Variants in GATAD2B observed in about 807,000 individuals in gnomAD.
GATAD2B encodes the protein transcriptional repressor p66-beta.
In GATAD2B, 8 loss-of-function variants were observed where a neutral mutation model predicts 64.3. That is an observed-to-expected ratio of 0.12 (90% CI 0.07 to 0.22). The LOEUF (loss-of-function observed/expected upper bound fraction) is 0.22. GATAD2B is among the 10% of genes least tolerant of loss of function. The probability of loss-of-function intolerance (pLI) is 1.00; values close to 1 mark genes in which losing one functional copy is unlikely to be tolerated. For missense variants in GATAD2B, 453 were observed against 752.0 expected (o/e 0.60, Z 4.65); for synonymous variants, 281 against 271.3 (o/e 1.04, Z -0.35).
At chr1:153,830,304 C>A (rs1034967462) in intron 1 of GATAD2B, among the ~76,000 whole-genome samples, 1 of 151,538 alleles carries the variant, frequency 6.6e-6, no homozygotes, top group Non-Finnish European at 1.5e-5. Context: ...TGTGCCACCA[C>A]GTCCAGCTAA....
chr1:153,841,180 C>CATG (rs1372708506), intron 1 of GATAD2B, among the ~76,000 whole-genome samples: 1 of 151,616 alleles, frequency 6.6e-6, no homozygotes, highest in Non-Finnish European at 1.5e-5. Context: ...AAGAAGATCT[C>CATG]ATGTACCCTT....
chr1:153,839,803 C>G (rs2101900346), intron 1 of GATAD2B, among the ~76,000 whole-genome samples: 1 of 152,036 alleles, frequency 6.6e-6, no homozygotes, highest in East Asian at 2.0e-4. Context: ...GACCCCATCT[C>G]TACTAAAAAC....
chr1:153,834,478 T>A (rs1675199355), intron 1 of GATAD2B, among the ~76,000 whole-genome samples: 1 of 152,098 alleles, frequency 6.6e-6, no homozygotes, highest in Admixed American at 6.6e-5. Context: ...CACCTCCACC[T>A]TCCAGGTTCA....
At chr1:153,876,645 T>G (rs1055943107) in intron 1 of GATAD2B, among the ~76,000 whole-genome samples, 13 of 152,186 alleles carry the variant, frequency 8.5e-5, no homozygotes, top group Non-Finnish European at 1.2e-4. Flanking sequence ...TACTGTCACC[T>G]TACAAATCAG....
chr1:153,912,432 C>T lies in GATAD2B; in HGVS notation c.-2+10301G>A, dbSNP rs527494087. Among the ~76,000 whole-genome samples, 4 of 152,304 alleles carry T rather than the reference C, an allele frequency of 2.6e-5. No homozygotes were observed. The South Asian group carries it at 6.2e-4, about 24-fold the overall frequency. ...TGAATTATAAAATAAGAGAATGACACAGTAACACATAAATTTATGCATGGA... is the reference window on the plus strand; with the variant it reads ...TGAATTATAAAATAAGAGAATGACATAGTAACACATAAATTTATGCATGGA... On this transcript the variant is annotated intron_variant, in intron 1 of 10. Transcript: ENST00000368655.
Position 153,875,219 on chromosome 1 carries a change from C to T in GATAD2B, c.-1-46871G>A, listed in dbSNP as rs187877256. ...TTTCTCTTCTGATTTCTAGAACTTG[C>T]TTCATAGGTCACTTTTCTAGGAAAA... On this transcript the variant is annotated intron_variant, in intron 1 of 10. Transcript: ENST00000368655. 1.6e-3 allele frequency among the ~76,000 whole-genome samples: 236 copies of T among 152,180 alleles called. 2 individuals carry two copies. Among genetic ancestry groups the T allele is most frequent in the African/African-American group, 5.5e-3 (227 of 41,534 alleles).
At position 153,809,154 on chromosome 1, in the gene GATAD2B, C is replaced by G. The variant is rs1414135977; in HGVS notation, c.*1023G>C. Reference sequence around the variant, plus strand: ...GGACACCCAGCAAACAGCCTTGGAACAGCCGTTCCTCTGTATTATAGATGG... The same window carrying G: ...GGACACCCAGCAAACAGCCTTGGAAGAGCCGTTCCTCTGTATTATAGATGG... On this transcript the variant is annotated 3_prime_UTR_variant, in exon 11 of 11. Transcript: ENST00000368655. 1 of 152,220 alleles carries G rather than the reference C, an allele frequency of 6.6e-6. No homozygotes were observed. Among genetic ancestry groups the G allele is most frequent in the Non-Finnish European group, 1.5e-5 (1 of 68,042 alleles). The allele number at this position is 152,220 out of a possible 1,614,324, so 9.4% of individuals were successfully genotyped here.
rs1327929891 is a variant in GATAD2B, at chr1:153,805,120, ATCACCC to A, written c.*5051_*5056del. Reference sequence around the variant, plus strand: ...TTTCACCTTCACCAGGGCTTCACCCATCACCCTGTACCCTCTCCAGGCTTTATCAGC... The same window carrying A: ...TTTCACCTTCACCAGGGCTTCACCCATGTACCCTCTCCAGGCTTTATCAGC... On this transcript the variant is annotated 3_prime_UTR_variant, in exon 11 of 11. Transcript: ENST00000368655. 8.3e-6 allele frequency: 1 copy of A among 119,856 alleles called. No homozygotes were observed. Among genetic ancestry groups the A allele is most frequent in the East Asian group, 2.5e-4 (1 of 3,952 alleles). The allele number at this position is 119,856 out of a possible 1,614,324, so 7.4% of individuals were successfully genotyped here.
chr1:153,833,745 G>T (rs1675158973), intron 1 of GATAD2B, among the ~76,000 whole-genome samples: 1 of 146,280 alleles, frequency 6.8e-6, no homozygotes, highest in Admixed American at 7.0e-5. Flanking sequence ...GGGAGGGGGA[G>T]GTGGCAGTGA....
At chr1:153,900,894 C>CTTGATTTTT (rs1360874672) in intron 1 of GATAD2B, among the ~76,000 whole-genome samples, 1 of 152,084 alleles carries the variant, frequency 6.6e-6, no homozygotes, top group Non-Finnish European at 1.5e-5. Context: ...AAAATAATCT[C>CTTGATTTTT]TTGATTTTTT....
intron 1 of GATAD2B, among the ~76,000 whole-genome samples, chr1:153,874,802 C>A (rs1676773798): frequency 6.6e-6 from 1 of 151,894 alleles, no homozygotes; most frequent in African/African-American, 2.4e-5. Flanking sequence ...GTCTTGAACT[C>A]CAGACATCAG....
intron 1 of GATAD2B, among the ~76,000 whole-genome samples, chr1:153,871,914 C>A (rs1289440374): frequency 6.6e-6 from 1 of 152,146 alleles, no homozygotes; most frequent in African/African-American, 2.4e-5. Flanking sequence ...CGTGTCACTG[C>A]ACTCCAGCCT....
Position 153,859,825 on chromosome 1 carries a change from T to C in GATAD2B, c.-1-31477A>G, listed in dbSNP as rs554376683. On this transcript the variant is annotated intron_variant, in intron 1 of 10. Transcript: ENST00000368655. ...TTTAATAGCGTCCTAGTTTGGAGGGTAAATTATATGGTCATCCCTATCTCC... is the reference window on the plus strand; with the variant it reads ...TTTAATAGCGTCCTAGTTTGGAGGGCAAATTATATGGTCATCCCTATCTCC... 2.6e-5 allele frequency among the ~76,000 whole-genome samples: 4 copies of C among 151,838 alleles called. No homozygotes were observed. In the South Asian group the frequency reaches 8.3e-4, roughly 32 times the overall value.
intron 1 of GATAD2B, among the ~76,000 whole-genome samples, chr1:153,877,047 G>A (rs1407241611): frequency 2.0e-5 from 3 of 151,960 alleles, no homozygotes; most frequent in Non-Finnish European, 4.4e-5. Context: ...CAGTATTAGA[G>A]TGAAAGGTTC....
At chr1:153,866,818 T>C (rs750261211) in intron 1 of GATAD2B, among the ~76,000 whole-genome samples, 10 of 152,222 alleles carry the variant, frequency 6.6e-5, no homozygotes, top group Non-Finnish European at 1.2e-4. Context: ...AGTCTTGCTC[T>C]GTCGCCAGGC....
chr1:153,894,706 C>T (rs1570996369), intron 1 of GATAD2B, among the ~76,000 whole-genome samples: 1 of 148,916 alleles, frequency 6.7e-6, no homozygotes, highest in South Asian at 2.1e-4. Context: ...ACTAAAAATA[C>T]AAAAAATTAG....
intron 1 of GATAD2B, among the ~76,000 whole-genome samples, chr1:153,881,202 ACACT>A (rs1235331872): frequency 1.3e-5 from 2 of 152,158 alleles, no homozygotes; most frequent in Non-Finnish European, 2.9e-5. Context: ...CATGATGCCA[ACACT>A]CAGTCAGCTG....
intron 1 of GATAD2B, among the ~76,000 whole-genome samples, chr1:153,831,136 G>T (rs1201706061): frequency 6.6e-6 from 1 of 152,110 alleles, no homozygotes; most frequent in Non-Finnish European, 1.5e-5. Context: ...CCTTTTTAAA[G>T]AATAGCTTTA....
intron 1 of GATAD2B, among the ~76,000 whole-genome samples, chr1:153,843,220 G>C (rs1199846577): frequency 6.7e-6 from 1 of 149,866 alleles, no homozygotes; most frequent in African/African-American, 2.5e-5. Context: ...CTGTAACCTT[G>C]ACCTCCTGGG....
Sources: gnomAD v4.1 joint callset for allele counts (sites outside exome capture counted in the v4.1 genomes callset) on GRCh38, gnomAD v4.1.1 for gene constraint, MANE v1.5 for transcripts, NCBI Gene and HGNC (gene_info 2026-07-23, HGNC 2026-07-21) for gene names.